LEPR: variants seen among roughly 807,000 people sequenced by gnomAD.
LEPR encodes OB receptor.
A neutral mutation model predicts 114.7 loss-of-function variants in LEPR; 56 were observed. The ratio of observed to expected loss-of-function variants is 0.49; its 90% confidence interval spans 0.39 to 0.61. The LOEUF (loss-of-function observed/expected upper bound fraction) is 0.61, where lower values mean the gene tolerates loss of function less well. Ranked by LOEUF, LEPR falls within the 20% of genes least tolerant of loss-of-function variation. The probability of loss-of-function intolerance (pLI) is 0.00; values close to 1 mark genes in which losing one functional copy is unlikely to be tolerated. For synonymous variants in LEPR, 443 were observed against 461.4 expected (o/e 0.96, Z 0.51); for missense variants, 1,202 against 1,352.9 (o/e 0.89, Z 1.75).
In LEPR at chr1:65,577,012, C is replaced by A. The variant is rs893040397; in HGVS notation, c.494+4563C>A. 4.3e-5 allele frequency: 12 copies of A among 280,162 alleles called. No homozygotes were observed. In the East Asian group the frequency reaches 1.1e-3, roughly 26 times the overall value. 17.4% of individuals were successfully genotyped at this position (280,162 alleles called of 1,614,324 possible). ...GGTGCTGTGGCTTTTTCTGCTCATC[C>A]TAGCTCAGAAAGGGGAACAAGCTCC... On this transcript the variant is annotated intron_variant, in intron 5 of 19. Coordinates refer to ENST00000349533, the MANE Select transcript of LEPR (RefSeq NM_002303.6).
In LEPR at chr1:65,601,558, T is replaced by C. The variant is rs1383957212; in HGVS notation, c.1161T>C (p.His387=). 1.2e-6 allele frequency: 2 copies of C among 1,613,726 alleles called. No individual in the cohort carries two copies. The highest frequency in any genetic ancestry group is 1.7e-6 in the Non-Finnish European group (2 of 1,179,782). Residue 387 remains histidine (H), a synonymous_variant, in exon 9 of 20, where the codon CAT becomes CAC. Transcript: ENST00000349533. ...GCCAGTATGATGTTGTGAGTGATCA[T>C]GTTAGCAAAGTTACTTTTTTCAATC... is the stretch of plus-strand genomic sequence containing the variant. ...PQSQYDVVSD[H]VSKVTFFNLN...
intron 2 of LEPR, among the ~76,000 whole-genome samples, chr1:65,536,660 G>T (rs1419352948): frequency 6.6e-6 from 1 of 151,520 alleles, no homozygotes; most frequent in Non-Finnish European, 1.5e-5. Flanking sequence ...AAAGATTTCG[G>T]TTAAGGGATT....
chr1:65,503,427 G>T (rs1648563352), intron 2 of LEPR, among the ~76,000 whole-genome samples: 1 of 152,150 alleles, frequency 6.6e-6, no homozygotes, highest in African/African-American at 2.4e-5. Flanking sequence ...AGAAAAAGTT[G>T]CTAGCCTGAA....
At position 65,636,888 on chromosome 1, in the gene LEPR, T is replaced by TA; in HGVS notation, c.3372dup (p.Glu1125ArgfsTer3). On this transcript the variant is annotated frameshift_variant, in exon 20 of 20. Transcript: ENST00000349533. LOFTEE classifies it high-confidence loss of function. ...CTCCAGGACAGTTGCTCACACTTTG[T>TA]AGAAAATAATATCAACTTAGGAACT... is the stretch of plus-strand genomic sequence containing the variant. The TA allele has an allele frequency of 6.2e-7, 1 of 1,606,496 alleles. No homozygotes were observed. Among genetic ancestry groups the TA allele is most frequent in the Non-Finnish European group, 8.5e-7 (1 of 1,176,854 alleles).
chr1:65,487,975 TTC>T (rs1314114919), intron 2 of LEPR, among the ~76,000 whole-genome samples: 2 of 151,182 alleles, frequency 1.3e-5, no homozygotes, highest in African/African-American at 2.4e-5. Context: ...CTTTCTTTCC[TTC>T]TCTCTTTCTT....
chr1:65,534,328 GA>G (rs753681913), intron 2 of LEPR, among the ~76,000 whole-genome samples: 13 of 152,138 alleles, frequency 8.5e-5, no homozygotes, highest in Non-Finnish European at 1.0e-4. Context: ...AGTTGAAAAT[GA>G]ATACACTTTG....
Position 65,639,408 on chromosome 1 carries a change from G to A in LEPR, c.*2393G>A, listed in dbSNP as rs527695681. 4 of 152,172 alleles carry A rather than the reference G, an allele frequency of 2.6e-5. No individual in the cohort carries two copies. The highest frequency in any genetic ancestry group is 4.4e-5 in the Non-Finnish European group (3 of 68,040). The allele number at this position is 152,172 out of a possible 1,614,324, so 9.4% of individuals were successfully genotyped here. ...GACTTAGATCATATTTATTGTCAAT[G>A]GGCTTGAATTCTGATTTCCACTTTT... On this transcript the variant is annotated 3_prime_UTR_variant, in exon 20 of 20. Coordinates refer to ENST00000349533, the MANE Select transcript of LEPR (RefSeq NM_002303.6).
intron 19 of LEPR, chr1:65,635,420 T>C (rs1482748004): frequency 1.0e-6 from 1 of 959,926 alleles, no homozygotes; most frequent in Non-Finnish European, 1.2e-6. Context: ...ATAAAAAATA[T>C]GATGTACATT....
At chr1:65,487,662 A>G (rs1018897679) in intron 2 of LEPR, among the ~76,000 whole-genome samples, 2 of 151,882 alleles carry the variant, frequency 1.3e-5, no homozygotes, top group African/African-American at 2.4e-5. Context: ...CTTGAATAAA[A>G]CTGAAGGTTA....
intron 4 of LEPR, among the ~76,000 whole-genome samples, chr1:65,571,964 C>G (rs867665828): frequency 6.6e-5 from 6 of 90,898 alleles, no homozygotes; most frequent in Non-Finnish European, 1.3e-4. Context: ...AGAGTGACAC[C>G]CCATCTCAAA....
At chr1:65,609,102 G>A (rs1348902580) in intron 12 of LEPR, among the ~76,000 whole-genome samples, 3 of 152,182 alleles carry the variant, frequency 2.0e-5, no homozygotes, top group Non-Finnish European at 4.4e-5. Context: ...CCTGAAGTGT[G>A]TTTTATAGAA....
At chr1:65,457,696 A>G (rs1231014797) in intron 2 of LEPR, among the ~76,000 whole-genome samples, 4 of 152,142 alleles carry the variant, frequency 2.6e-5, no homozygotes, top group Non-Finnish European at 2.9e-5. Flanking sequence ...TTCATTGTCT[A>G]TAATTCCACT....
intron 2 of LEPR, among the ~76,000 whole-genome samples, chr1:65,519,132 C>CTTCCTTCCTTCCTTCCTTCCT (rs1649499406): frequency 7.0e-6 from 1 of 143,020 alleles, no homozygotes; most frequent in Non-Finnish European, 1.5e-5. Context: ...TCCTTCCTTC[C>CTTCCTTCCTTCCTTCCTTCCT]TTCCTTCCTT....
At chr1:65,593,150 G>C (rs184196954) in intron 6 of LEPR, among the ~76,000 whole-genome samples, 7 of 139,556 alleles carry the variant, frequency 5.0e-5, no homozygotes, top group Non-Finnish European at 9.2e-5. Flanking sequence ...TCACATCTCA[G>C]ATAACTATTT....
At chr1:65,430,113 G>A in intron 2 of LEPR, 2 of 1,357,816 alleles carry the variant, frequency 1.5e-6, no homozygotes, top group South Asian at 1.7e-5. Flanking sequence ...CCTGTGTCTG[G>A]GACCTCCATT....
intron 2 of LEPR, among the ~76,000 whole-genome samples, chr1:65,519,034 TTTC>T (rs1291803737): frequency 1.3e-5 from 2 of 150,586 alleles, no homozygotes; most frequent in African/African-American, 2.4e-5. Context: ...TCTTTCTTCT[TTTC>T]TTTTCTTTCT....
chr1:65,514,947 A>T (rs981672096), intron 2 of LEPR, among the ~76,000 whole-genome samples: 7 of 152,278 alleles, frequency 4.6e-5, no homozygotes, highest in Admixed American at 2.6e-4. Flanking sequence ...ATAAGCAATC[A>T]TTAGATGAAT....
chr1:65,421,432 G>T (rs1170313896), intron 1 of LEPR: 1 of 1,536,022 alleles, frequency 6.5e-7, no homozygotes, highest in South Asian at 1.2e-5. Context: ...AGACGGAAAA[G>T]GTTTTTTGCA....
At chr1:65,528,663 T>TTTAATGGTTGCA (rs1650148317) in intron 2 of LEPR, among the ~76,000 whole-genome samples, 1 of 152,124 alleles carries the variant, frequency 6.6e-6, no homozygotes, top group Non-Finnish European at 1.5e-5. Context: ...ACAGATAATA[T>TTTAATGGTTGCA]GATAAATCAT....
Sources: gnomAD v4.1 joint callset for allele counts (sites outside exome capture counted in the v4.1 genomes callset) on GRCh38, gnomAD v4.1.1 for gene constraint, MANE v1.5 for transcripts, NCBI Gene and HGNC (gene_info 2026-07-23, HGNC 2026-07-21) for gene names.